NFATC3: variants seen among roughly 807,000 people sequenced by gnomAD.
NFATC3 encodes the protein nuclear factor of activated T cells 3.
NFATC3 carries 46 observed loss-of-function variants against 98.6 expected under a neutral mutation model. That is an observed-to-expected ratio of 0.47 (90% CI 0.37 to 0.60). The LOEUF is 0.60. NFATC3 is among the 20% of genes least tolerant of loss of function. The probability of loss-of-function intolerance (pLI) is 0.00; values close to 1 mark genes in which losing one functional copy is unlikely to be tolerated. For synonymous variants in NFATC3, 512 were observed against 472.2 expected (o/e 1.08, Z -1.09); for missense variants, 1,256 against 1,295.5 (o/e 0.97, Z 0.47).
At chr16:68,169,142 G>A (rs79879126) in intron 5 of NFATC3, among the ~76,000 whole-genome samples, 69 of 152,162 alleles carry the variant, frequency 4.5e-4, no homozygotes, top group Non-Finnish European at 8.5e-4. Flanking sequence ...GAAATATAGA[G>A]TACAAGATAA....
intron 1 of NFATC3, among the ~76,000 whole-genome samples, chr16:68,108,805 G>A (rs1485705557): frequency 2.6e-5 from 4 of 152,140 alleles, no homozygotes; most frequent in Non-Finnish European, 5.9e-5. Context: ...CTTGTTAGCT[G>A]TGTTCCTAGG....
chr16:68,158,197 A>G, intron 4 of NFATC3, 129 bp downstream of exon 4: 1 of 620,872 alleles, frequency 1.6e-6, no homozygotes, highest in East Asian at 3.0e-5. Flanking sequence ...ATGTACATTT[A>G]GTACATTTTC....
Position 68,147,824 on chromosome 16 carries a change from C to G in NFATC3, c.1402-10045C>G, listed in dbSNP as rs538710951. Among the ~76,000 whole-genome samples the G allele has an allele frequency of 5.3e-4, 80 of 150,142 alleles. 1 individual carries two copies. The highest frequency in any genetic ancestry group is 1.9e-3 in the African/African-American group (76 of 40,710). On this transcript the variant is annotated intron_variant, in intron 3 of 9. Transcript: ENST00000346183. ...GGATGCAGTGAACTATAACCACTCT[C>G]TACCTTCATTTTTTTTTACCTCTGG...
intron 9 of NFATC3, among the ~76,000 whole-genome samples, chr16:68,192,682 A>G (rs2040496377): frequency 6.6e-6 from 1 of 152,060 alleles, no homozygotes; most frequent in African/African-American, 2.4e-5. Context: ...AACATGGCAG[A>G]ACCCCATGTC....
chr16:68,224,903 A>G (rs1287271789), intron 9 of NFATC3: 1 of 152,162 alleles, frequency 6.6e-6, no homozygotes, highest in African/African-American at 2.4e-5. Flanking sequence ...GGTTTTTAGT[A>G]TAGTCAGAGT....
intron 3 of NFATC3, among the ~76,000 whole-genome samples, chr16:68,128,371 T>G (rs2036948902): frequency 6.6e-6 from 1 of 152,282 alleles, no homozygotes; most frequent in East Asian, 1.9e-4. Context: ...CATAAGAATT[T>G]TGTCATTTTG....
chr16:68,199,208 C>T (rs531862633), intron 9 of NFATC3, among the ~76,000 whole-genome samples: 1 of 151,490 alleles, frequency 6.6e-6, no homozygotes, highest in East Asian at 2.0e-4. Flanking sequence ...AGACCAAGAC[C>T]CTGTTTATTT....
At chr16:68,091,124 A>G (rs2034685549) in intron 1 of NFATC3, among the ~76,000 whole-genome samples, 1 of 152,184 alleles carries the variant, frequency 6.6e-6, no homozygotes, top group South Asian at 2.1e-4. Context: ...AGGTGTTCCT[A>G]TTTGCCAATC....
intron 6 of NFATC3, among the ~76,000 whole-genome samples, chr16:68,175,945 C>T (rs1428572506): frequency 6.6e-6 from 1 of 152,084 alleles, no homozygotes; most frequent in Non-Finnish European, 1.5e-5. Context: ...CCCTGGGTCC[C>T]CCTTCTCAAA....
rs941642829 is a variant in NFATC3 at position 68,122,895 on chromosome 16, C to T, written c.1012C>T (p.Leu338Phe). Reference sequence around the variant, plus strand: ...GTACTGTGTAGAGACTGACATCCCTCTCAAAACAAGGAAAACTTCTGAAGA... The same window carrying T: ...GTACTGTGTAGAGACTGACATCCCTTTCAAAACAAGGAAAACTTCTGAAGA... ...FQYCVETDIP[L>F]KTRKTSEDQA... Residue 338 changes from leucine (L) to phenylalanine (F), a missense_variant, in exon 2 of 10, where the codon CTC becomes TTC. By Grantham distance (22) the Leu-to-Phe change is conservative. Coordinates refer to ENST00000346183, the MANE Select transcript of NFATC3 (RefSeq NM_173165.3). The T allele has an allele frequency of 1.2e-6, 2 of 1,614,098 alleles. No homozygotes were observed. The highest frequency in any genetic ancestry group is 2.7e-5 in the African/African-American group (2 of 74,934).
At chr16:68,217,829 T>C in intron 9 of NFATC3, 1 of 1,230,966 alleles carries the variant, frequency 8.1e-7, no homozygotes. Context: ...TACATCGCTT[T>C]TGCTCACATT....
At chr16:68,168,249 C>T (rs2039305917) in intron 5 of NFATC3, among the ~76,000 whole-genome samples, 1 of 151,908 alleles carries the variant, frequency 6.6e-6, no homozygotes, top group Admixed American at 6.6e-5. Context: ...CATCCTCCAC[C>T]TCCAGAGTTT....
At chr16:68,149,051 C>A (rs1182950411) in intron 3 of NFATC3, among the ~76,000 whole-genome samples, 2 of 152,216 alleles carry the variant, frequency 1.3e-5, no homozygotes, top group East Asian at 1.9e-4. Flanking sequence ...CCAGATGTTT[C>A]TTTCCTGTGT....
At chr16:68,106,783 A>T (rs777664969) in intron 1 of NFATC3, among the ~76,000 whole-genome samples, 1 of 151,140 alleles carries the variant, frequency 6.6e-6, no homozygotes, top group Non-Finnish European at 1.5e-5. Context: ...TCTTGGATAC[A>T]TGTGCAGGAT....
chr16:68,137,499 G>A (rs574477406), intron 3 of NFATC3, among the ~76,000 whole-genome samples: 4 of 152,142 alleles, frequency 2.6e-5, no homozygotes, highest in Admixed American at 1.3e-4. Context: ...TATGTATGTT[G>A]TAATTGGCAG....
At chr16:68,115,382 C>T (rs923073058) in intron 1 of NFATC3, among the ~76,000 whole-genome samples, 2 of 152,126 alleles carry the variant, frequency 1.3e-5, no homozygotes, top group African/African-American at 4.8e-5. Context: ...ACTTTCTTTA[C>T]TTTGCTAGCA....
chr16:68,105,376 C>T (rs1024405496), intron 1 of NFATC3, among the ~76,000 whole-genome samples: 1 of 152,018 alleles, frequency 6.6e-6, no homozygotes, highest in Non-Finnish European at 1.5e-5. Context: ...ACCAGTACAC[C>T]CGGCCCCTGA....
At chr16:68,154,617 C>T (rs977630394) in intron 3 of NFATC3, among the ~76,000 whole-genome samples, 5 of 152,158 alleles carry the variant, frequency 3.3e-5, no homozygotes, top group Admixed American at 2.0e-4. Flanking sequence ...TTGCAGTCTC[C>T]TCTCAGGGAA....
At chr16:68,158,686 C>T (rs1026494129) in intron 4 of NFATC3, among the ~76,000 whole-genome samples, 1 of 152,076 alleles carries the variant, frequency 6.6e-6, no homozygotes, top group African/African-American at 2.4e-5. Flanking sequence ...CCGTCTTTAG[C>T]ATGTGGTTTC....
Sources: allele counts gnomAD v4.1 joint callset (sites outside exome capture counted in the v4.1 genomes callset), GRCh38; gene constraint gnomAD v4.1.1; transcripts MANE v1.5; gene names NCBI Gene and HGNC (gene_info 2026-07-23, HGNC 2026-07-21).